The following EXOC6B variants were observed in gnomAD, a reference collection of about 807,000 sequenced individuals.
The protein encoded by EXOC6B is SEC15 homolog B.
A neutral mutation model predicts 113.5 loss-of-function variants in EXOC6B; 54 were observed. The ratio of observed to expected loss-of-function variants is 0.48; its 90% CI spans 0.38 to 0.60. The LOEUF (loss-of-function observed/expected upper bound fraction) is 0.60. Ranked by LOEUF, EXOC6B falls within the 20% of genes least tolerant of loss-of-function variation. The pLI is 0.00. For missense variants in EXOC6B, 797 were observed against 977.5 expected (o/e 0.82, Z 2.46); for synonymous variants, 357 against 339.0 (o/e 1.05, Z -0.58).
At chr2:72,365,502 G>A (rs912224694) in intron 19 of EXOC6B, among the ~76,000 whole-genome samples, 1 of 152,164 alleles carries the variant, frequency 6.6e-6, no homozygotes, top group African/African-American at 2.4e-5. Flanking sequence ...TCCAGGATGT[G>A]CTATAAAGCA....
chr2:72,726,557 T>G (rs191003610), intron 5 of EXOC6B, among the ~76,000 whole-genome samples: 2 of 151,916 alleles, frequency 1.3e-5, no homozygotes. Flanking sequence ...AATGTGAGAG[T>G]TTTTCTCTTT....
rs371652444 is a variant in EXOC6B at position 72,355,952 on chromosome 2, G to T, written c.2123-20932C>A. 4.6e-5 allele frequency among the ~76,000 whole-genome samples: 7 copies of T among 152,140 alleles called. No individual in the cohort carries two copies. The East Asian group carries it at 9.7e-4, about 21-fold the overall frequency. On this transcript the variant is annotated intron_variant, in intron 19 of 21. Coordinates refer to ENST00000272427, the MANE Select transcript of EXOC6B (RefSeq NM_015189.3). ...CTTTAAACCTTACATTCTTAAGATT[G>T]CTCTCTTTTAATTCTTGAGGAGGTA... is the stretch of plus-strand genomic sequence containing the variant.
intron 20 of EXOC6B, among the ~76,000 whole-genome samples, chr2:72,244,894 T>A (rs1682554225): frequency 6.6e-6 from 1 of 152,108 alleles, no homozygotes; most frequent in Non-Finnish European, 1.5e-5. Flanking sequence ...TTTACATTTG[T>A]CACTCTAAAA....
At chr2:72,636,084 G>A (rs1357069028) in intron 6 of EXOC6B, among the ~76,000 whole-genome samples, 1 of 152,056 alleles carries the variant, frequency 6.6e-6, no homozygotes, top group African/African-American at 2.4e-5. Context: ...TTAGTCAGGT[G>A]CAGTGTCATG....
intron 18 of EXOC6B, among the ~76,000 whole-genome samples, chr2:72,415,395 A>T (rs570001108): frequency 1.0e-3 from 159 of 152,332 alleles, no homozygotes; most frequent in African/African-American, 3.8e-3. Flanking sequence ...GTGGCAAAAA[A>T]GTAGTAAACT....
At chr2:72,546,866 T>A (rs180680733) in intron 8 of EXOC6B, among the ~76,000 whole-genome samples, 1 of 152,246 alleles carries the variant, frequency 6.6e-6, no homozygotes, top group African/African-American at 2.4e-5. Flanking sequence ...AGAGAGTTCT[T>A]ATGAGGCTTA....
chr2:72,731,414 G>A (rs891791468), intron 3 of EXOC6B, among the ~76,000 whole-genome samples, 169 bp from the exon 4 acceptor site: 24 of 152,134 alleles, frequency 1.6e-4, no homozygotes, highest in Non-Finnish European at 2.8e-4. Context: ...AAACATTCCT[G>A]CACAGTTTCC....
chr2:72,431,727 C>T lies in EXOC6B; in HGVS notation c.1980+33433G>A, dbSNP rs1695545712. 2.6e-5 allele frequency among the ~76,000 whole-genome samples: 4 copies of T among 151,988 alleles called. No individual in the cohort carries two copies. The South Asian group carries it at 8.3e-4, about 32-fold the overall frequency. On this transcript the variant is annotated intron_variant, in intron 18 of 21. Coordinates refer to ENST00000272427, the MANE Select transcript of EXOC6B (RefSeq NM_015189.3). ...GTTTGTTACACAGGTATATATGTGC[C>T]ATGGTGGTTTGCTGCACCCATCAAC...
At chr2:72,304,004 G>C (rs1321685716) in intron 20 of EXOC6B, among the ~76,000 whole-genome samples, 1 of 152,180 alleles carries the variant, frequency 6.6e-6, no homozygotes, top group Non-Finnish European at 1.5e-5. Flanking sequence ...ACTAGCCCCT[G>C]ATCCTGCCAA....
intron 18 of EXOC6B, among the ~76,000 whole-genome samples, chr2:72,411,175 G>GCA (rs1694160000): frequency 6.6e-6 from 1 of 152,126 alleles, no homozygotes; most frequent in East Asian, 1.9e-4. Flanking sequence ...TTGTGCCACT[G>GCA]CACTCCAGCC....
Position 72,825,337 on chromosome 2 carries a change from G to A in EXOC6B, c.113+461C>T, listed in dbSNP as rs1686836123. 6.6e-6 allele frequency among the ~76,000 whole-genome samples: 1 copy of A among 152,176 alleles called. No individual in the cohort carries two copies. The highest frequency in any genetic ancestry group is 2.4e-5 in the African/African-American group (1 of 41,440). ...AGGATTTCCAGGGACTCGTTTCTGA[G>A]AAGTGGCTGTGATTCTGAGGCAAGA... On this transcript the variant is annotated intron_variant, in intron 1 of 21. Coordinates refer to ENST00000272427, the MANE Select transcript of EXOC6B (RefSeq NM_015189.3). The surrounding 1 kb of genome is among the most constrained non-coding windows in gnomAD (Gnocchi z 4.4).
intron 20 of EXOC6B, among the ~76,000 whole-genome samples, chr2:72,224,992 G>GTATATATATATATATATATATATATATA (rs1325223051): frequency 2.8e-4 from 33 of 118,198 alleles, no homozygotes; most frequent in African/African-American, 9.4e-4. Flanking sequence ...ATGTGTGTGT[G>GTATATATATATATATATATATATATATA]TGTATATATA....
chr2:72,691,719 TCGCCCAGGC>T (rs1677496576), intron 6 of EXOC6B, among the ~76,000 whole-genome samples: 1 of 150,976 alleles, frequency 6.6e-6, no homozygotes. Context: ...TTCGCCCTTG[TCGCCCAGGC>T]TGGAGTACTG....
chr2:72,298,601 T>C (rs1368014908), intron 20 of EXOC6B, among the ~76,000 whole-genome samples: 2 of 152,184 alleles, frequency 1.3e-5, no homozygotes, highest in Non-Finnish European at 2.9e-5. Context: ...TATAATTTGG[T>C]ATGTTTTTGC....
Position 72,636,377 on chromosome 2 carries a change from G to GAAGGAAGGAAGC in EXOC6B, c.670-60710_670-60709insGCTTCCTTCCTT, listed in dbSNP as rs1423538257. On this transcript the variant is annotated intron_variant, in intron 6 of 21. Coordinates refer to ENST00000272427, the MANE Select transcript of EXOC6B (RefSeq NM_015189.3). Reference sequence around the variant, plus strand: ...GGAAGGAAGGAAGGAAGGAAGCAAGGAAGCAAGGAAGGGAGGGAAGATGAA... The same window carrying GAAGGAAGGAAGC: ...GGAAGGAAGGAAGGAAGGAAGCAAGGAAGGAAGGAAGCAAGCAAGGAAGGGAGGGAAGATGAA... Among the ~76,000 whole-genome samples, 208 of 146,236 alleles carry GAAGGAAGGAAGC rather than the reference G, an allele frequency of 1.4e-3. 2 individuals carry two copies. The highest frequency in any genetic ancestry group is 5.1e-3 in the African/African-American group (195 of 38,464).
chr2:72,658,547 T>C (rs1017818128), intron 6 of EXOC6B, among the ~76,000 whole-genome samples: 3 of 151,902 alleles, frequency 2.0e-5, no homozygotes, highest in Non-Finnish European at 2.9e-5. Context: ...AAATTATATA[T>C]AACTAATCAC....
At chr2:72,439,441 G>C (rs1412056915) in intron 18 of EXOC6B, among the ~76,000 whole-genome samples, 1 of 152,046 alleles carries the variant, frequency 6.6e-6, no homozygotes, top group African/African-American at 2.4e-5. Context: ...CTCTGTGCTT[G>C]TCTGCCTGAC....
At chr2:72,361,512 C>T (rs1301024479) in intron 19 of EXOC6B, among the ~76,000 whole-genome samples, 1 of 152,106 alleles carries the variant, frequency 6.6e-6, no homozygotes, top group East Asian at 1.9e-4. Context: ...GAGGGAATCT[C>T]GGACCAAAGG....
chr2:72,735,899 A>G (rs1235207274), intron 2 of EXOC6B, among the ~76,000 whole-genome samples: 2 of 149,930 alleles, frequency 1.3e-5, no homozygotes, highest in African/African-American at 4.9e-5. Flanking sequence ...TAACAATAAA[A>G]AAAGGCCAGG....
Sources: allele counts gnomAD v4.1 joint callset (sites outside exome capture counted in the v4.1 genomes callset), GRCh38; gene constraint gnomAD v4.1.1; non-coding constraint Gnocchi (gnomAD v3.1); transcripts MANE v1.5; gene names NCBI Gene and HGNC (gene_info 2026-07-23, HGNC 2026-07-21).